DNAI1: variants seen among roughly 807,000 people sequenced by gnomAD.
The protein encoded by DNAI1 is dynein axonemal intermediate chain 1.
DNAI1 carries 67 observed loss-of-function variants against 92.0 expected under a neutral mutation model. That is an observed-to-expected ratio of 0.73 (90% confidence interval 0.60 to 0.89). The LOEUF (loss-of-function observed/expected upper bound fraction) is 0.89, where lower values mean the gene tolerates loss of function less well. Ranked by LOEUF, DNAI1 falls within the 40% of genes least tolerant of loss-of-function variation. DNAI1 has a pLI of 0.00. For missense variants in DNAI1, 839 were observed against 866.6 expected (o/e 0.97, Z 0.40); for synonymous variants, 323 against 319.6 (o/e 1.01, Z -0.11).
At chr9:34,481,528 G>A (rs1022511198) in intron 1 of DNAI1, among the ~76,000 whole-genome samples, 4 of 152,204 alleles carry the variant, frequency 2.6e-5, no homozygotes, top group African/African-American at 9.7e-5. Context: ...TGGGTTCTTG[G>A]TCTCACTGAC....
At chr9:34,497,007 AG>A (rs1213644045) in intron 9 of DNAI1, 107 bp from the exon 10 acceptor site, 1 of 840,760 alleles carries the variant, frequency 1.2e-6, no homozygotes, top group African/African-American at 1.7e-5. Flanking sequence ...TGGGGTGAGT[AG>A]TGCCAGAGAG....
chr9:34,482,809 C>A (rs1033479073), intron 1 of DNAI1, among the ~76,000 whole-genome samples: 8 of 152,252 alleles, frequency 5.3e-5, no homozygotes, highest in Admixed American at 3.3e-4. Flanking sequence ...CGCCGTGGAG[C>A]AGAGGATGGT....
At position 34,500,781 on chromosome 9, in the gene DNAI1, C is replaced by T. The variant is rs764879929; in HGVS notation, c.961C>T (p.Pro321Ser). 6.2e-7 allele frequency: 1 copy of T among 1,614,112 alleles called. No individual in the cohort carries two copies. Among genetic ancestry groups the T allele is most frequent in the Non-Finnish European group, 8.5e-7 (1 of 1,180,016 alleles). ...EYRDQVGTLL[P>S]LWKFQNDKAK... ...CCGGGACCAGGTGGGTACCCTGCTG[C>T]CGCTCTGGAAGTTCCAAAATGACAA... The change falls in exon 11 of 20, where the codon CCG (proline) becomes TCG (serine). Residue 321 changes from proline to serine, a missense_variant. Pro to Ser is a moderately conservative substitution (Grantham distance 74). Transcript: ENST00000242317.
In DNAI1 at chr9:34,485,199, G is replaced by A. The variant is rs185480184; in HGVS notation, c.139G>A (p.Ala47Thr). 5 of 1,614,162 alleles carry A rather than the reference G, an allele frequency of 3.1e-6. No individual in the cohort carries two copies. Among genetic ancestry groups the A allele is most frequent in the Non-Finnish European group, 2.5e-6 (3 of 1,180,024 alleles). Residue 47 changes from alanine (A) to threonine (T), a missense_variant, in exon 3 of 20, where the codon GCC becomes ACC. Transcript: ENST00000242317. ...CACAGATGAATGGGCCCAATCCAAA[G>A]CCACAGTTAGACCCCCTGACCAGCT... ...EGTDEWAQSKATVRPPDQLEL... is the reference protein window; with the variant it reads ...EGTDEWAQSKTTVRPPDQLEL...
chr9:34,508,395 C>T (rs1374568475), intron 13 of DNAI1, among the ~76,000 whole-genome samples: 2 of 152,208 alleles, frequency 1.3e-5, no homozygotes, highest in Non-Finnish European at 2.9e-5. Flanking sequence ...CCCGGCTACT[C>T]TCCAACAAAG....
At chr9:34,467,491 A>C (rs1824060529) in intron 1 of DNAI1, among the ~76,000 whole-genome samples, 1 of 150,284 alleles carries the variant, frequency 6.7e-6, no homozygotes, top group Non-Finnish European at 1.5e-5. Flanking sequence ...ACCACAAATT[A>C]GCCAGGTTGC....
Position 34,497,217 on chromosome 9 carries a change from G to A in DNAI1, c.901+18G>A. The A allele has an allele frequency of 6.3e-7, 1 of 1,596,480 alleles. No individual in the cohort carries two copies. Among genetic ancestry groups the A allele is most frequent in the Non-Finnish European group, 8.6e-7 (1 of 1,163,958 alleles). On this transcript the variant is annotated intron_variant, in intron 10 of 19. Coordinates refer to ENST00000242317, the MANE Select transcript of DNAI1 (RefSeq NM_012144.4). The stretch of plus-strand genomic sequence containing the variant: ...TGCTCAAGGTAAGAGTTGAAGTTCT[G>A]GCAACCACTATTATTGCCTGTATTA...
Position 34,497,063 on chromosome 9 carries a change from G to T in DNAI1, c.817-52G>T. 2.2e-6 allele frequency: 3 copies of T among 1,382,272 alleles called. No individual in the cohort carries two copies. The South Asian group carries it at 3.5e-5, about 16-fold the overall frequency. The allele number at this position is 1,382,272 out of a possible 1,614,324, so 85.6% of individuals were successfully genotyped here. ...AAGGGTGACATGGCTCAGGACATAT[G>T]ACCTTGCTAAGTGCTGGTTTATGAG... On this transcript the variant is annotated intron_variant, in intron 9 of 19. Transcript: ENST00000242317.
rs189617844 is a variant in DNAI1, at chr9:34,493,376, C to T, written c.816+48C>T. 21 of 1,613,512 alleles carry T rather than the reference C, an allele frequency of 1.3e-5. No homozygotes were observed. In the Admixed American group the frequency reaches 3.5e-4, roughly 27 times the overall value. Reference sequence around the variant, plus strand: ...TCTGCCACAGAATTTCTGAATGAGGCCTTGGCCTCTGGGTAGACAGAAGCC... The same window carrying T: ...TCTGCCACAGAATTTCTGAATGAGGTCTTGGCCTCTGGGTAGACAGAAGCC... On this transcript the variant is annotated intron_variant, in intron 9 of 19. Transcript: ENST00000242317.
At chr9:34,494,720 C>T (rs1285697396) in intron 9 of DNAI1, among the ~76,000 whole-genome samples, 1 of 152,212 alleles carries the variant, frequency 6.6e-6, no homozygotes, top group East Asian at 1.9e-4. Flanking sequence ...CTCCATCACA[C>T]TGGACTCTTC....
chr9:34,480,847 G>A (rs1824339004), intron 1 of DNAI1, among the ~76,000 whole-genome samples: 1 of 152,186 alleles, frequency 6.6e-6, no homozygotes. Context: ...TTGGGAGGCT[G>A]AGGCAGGAGA....
intron 12 of DNAI1, among the ~76,000 whole-genome samples, chr9:34,506,107 C>T (rs1368640534): frequency 6.6e-6 from 1 of 152,130 alleles, no homozygotes; most frequent in Non-Finnish European, 1.5e-5. Flanking sequence ...ATGCCTAGAT[C>T]TAGGGCTCAG....
intron 1 of DNAI1, among the ~76,000 whole-genome samples, chr9:34,482,876 G>T (rs1056005717): frequency 6.6e-6 from 1 of 152,258 alleles, no homozygotes; most frequent in African/African-American, 2.4e-5. Context: ...GGAGGCTCAG[G>T]CATGGCGGGC....
intron 19 of DNAI1, among the ~76,000 whole-genome samples, chr9:34,518,769 T>TG (rs1825216322): frequency 6.6e-6 from 1 of 152,092 alleles, no homozygotes; most frequent in East Asian, 1.9e-4. Flanking sequence ...TAGACATGGG[T>TG]GGGAGCCTGC....
chr9:34,483,364 C>T, intron 1 of DNAI1, 84 bp from the exon 2 acceptor site: 1 of 1,372,228 alleles, frequency 7.3e-7, no homozygotes, highest in Non-Finnish European at 1.0e-6. Context: ...GATCCCTGGG[C>T]AGGAGCCTCC....
chr9:34,513,572 C>T (rs1352782713), intron 16 of DNAI1, among the ~76,000 whole-genome samples: 2 of 152,266 alleles, frequency 1.3e-5, no homozygotes, highest in Middle Eastern at 3.4e-3. Context: ...TGGGTACATC[C>T]CAGCCAGCAG....
intron 1 of DNAI1, among the ~76,000 whole-genome samples, chr9:34,475,021 G>C (rs571988075): frequency 4.1e-4 from 63 of 152,284 alleles, no homozygotes; most frequent in African/African-American, 1.1e-3. Flanking sequence ...CTGTTACCCT[G>C]CATAGACCAC....
At chr9:34,492,825 T>C (rs1484860150) in intron 8 of DNAI1, among the ~76,000 whole-genome samples, 1 of 151,894 alleles carries the variant, frequency 6.6e-6, no homozygotes, top group Non-Finnish European at 1.5e-5. Flanking sequence ...CTGGCCTATT[T>C]TTTTAAATGT....
chr9:34,511,077 G>A (rs1490982156), intron 13 of DNAI1, among the ~76,000 whole-genome samples: 2 of 152,198 alleles, frequency 1.3e-5, no homozygotes, highest in Non-Finnish European at 2.9e-5. Flanking sequence ...TGGGTTCTTG[G>A]CCTCCCTCAC....
Sources: gnomAD v4.1 joint callset for allele counts (sites outside exome capture counted in the v4.1 genomes callset) on GRCh38, gnomAD v4.1.1 for gene constraint, MANE v1.5 for transcripts, NCBI Gene and HGNC (gene_info 2026-07-23, HGNC 2026-07-21) for gene names.